The following ME3 variants were observed in gnomAD, a reference collection of about 807,000 sequenced individuals.
ME3 encodes the protein NADP-dependent malic enzyme, mitochondrial.
In ME3, 48 loss-of-function variants were observed where a neutral mutation model predicts 68.9. The observed-to-expected ratio is 0.70, with a 90% CI of 0.55 to 0.89. The LOEUF (loss-of-function observed/expected upper bound fraction) is 0.89. ME3 is among the 40% of genes least tolerant of loss of function. ME3 has a pLI of 0.00. For missense variants in ME3, 675 were observed against 797.4 expected (o/e 0.85, Z 1.85); for synonymous variants, 320 against 318.8 (o/e 1.00, Z -0.04).
At chr11:86,473,889 G>A (rs1373447834) in intron 7 of ME3, among the ~76,000 whole-genome samples, 2 of 152,222 alleles carry the variant, frequency 1.3e-5, no homozygotes, top group Non-Finnish European at 2.9e-5. Flanking sequence ...ACTGTTTGTG[G>A]ACAAGGACTT....
chr11:86,574,996 C>T lies in ME3; in HGVS notation c.184-15173G>A, dbSNP rs1325301313. Among the ~76,000 whole-genome samples, 4 of 118,984 alleles carry T rather than the reference C, an allele frequency of 3.4e-5. 1 individual carries two copies. Among genetic ancestry groups the T allele is most frequent in the Non-Finnish European group, 7.1e-5 (4 of 56,262 alleles). 78.1% of individuals were successfully genotyped at this position (118,984 alleles called of 152,430 possible). Reference sequence around the variant, plus strand: ...TTGCAACCCTGACAGGTTGTCCAGCCTGGGCAGGGGCCAACTTGTTCTCAG... The same window carrying T: ...TTGCAACCCTGACAGGTTGTCCAGCTTGGGCAGGGGCCAACTTGTTCTCAG... On this transcript the variant is annotated intron_variant, in intron 2 of 14. Coordinates refer to ENST00000543262, the Ensembl canonical transcript of ME3.
intron 7 of ME3, 54 bp from the exon 8 acceptor site, chr11:86,465,254 G>T: frequency 7.5e-7 from 1 of 1,339,502 alleles, no homozygotes; most frequent in Non-Finnish European, 1.1e-6. Flanking sequence ...GCAGATCCCT[G>T]ACAGATCCCA....
At chr11:86,556,859 A>G (rs996752904) in intron 3 of ME3, among the ~76,000 whole-genome samples, 157 bp from the exon 4 acceptor site, 1 of 152,210 alleles carries the variant, frequency 6.6e-6, no homozygotes, top group African/African-American at 2.4e-5. Context: ...ACAGCTATGA[A>G]ATGTGAAGAT....
chr11:86,656,134 C>T (rs1470012764), intron 2 of ME3, among the ~76,000 whole-genome samples: 15 of 126,726 alleles, frequency 1.2e-4, no homozygotes, highest in African/African-American at 3.6e-4. Flanking sequence ...AATAGGAACA[C>T]TTTTACACTG....
At chr11:86,471,585 G>A (rs1950787321) in intron 7 of ME3, among the ~76,000 whole-genome samples, 1 of 152,084 alleles carries the variant, frequency 6.6e-6, no homozygotes, top group Admixed American at 6.5e-5. Context: ...TGACATTTCT[G>A]TTTCAATTAA....
At chr11:86,440,307 G>T (rs1948932971), downstream of ME3, among the ~76,000 whole-genome samples, 1 of 152,182 alleles carries the variant, frequency 6.6e-6, no homozygotes, top group Non-Finnish European at 1.5e-5. Flanking sequence ...CCACCCCTAT[G>T]ATATGGGCTC....
Position 86,561,330 on chromosome 11 carries a change from A to G in ME3, c.184-1507T>C, listed in dbSNP as rs143134608. On this transcript the variant is annotated intron_variant, in intron 2 of 14. Coordinates refer to ENST00000543262, the Ensembl canonical transcript of ME3. ...TAAGCCATTTCTCCAAGGATCCCCAATTCCTTTTTCAGAGCATGGTATTAG... is the reference window on the plus strand; with the variant it reads ...TAAGCCATTTCTCCAAGGATCCCCAGTTCCTTTTTCAGAGCATGGTATTAG... 3.0e-3 allele frequency among the ~76,000 whole-genome samples: 463 copies of G among 152,250 alleles called. 1 individual carries two copies. Among genetic ancestry groups the G allele is most frequent in the African/African-American group, 9.9e-3 (411 of 41,568 alleles).
chr11:86,538,227 A>G (rs1461953764), intron 4 of ME3, among the ~76,000 whole-genome samples: 1 of 152,120 alleles, frequency 6.6e-6, no homozygotes, highest in Non-Finnish European at 1.5e-5. Context: ...GGATTGAGGG[A>G]TTTCAATATG....
intron 2 of ME3, among the ~76,000 whole-genome samples, chr11:86,609,764 T>C (rs1309993382): frequency 1.3e-5 from 2 of 152,224 alleles, no homozygotes; most frequent in Admixed American, 1.3e-4. Flanking sequence ...ACTTAAATGT[T>C]CTTCGACATA....
At chr11:86,436,219 G>A (rs752421211), downstream of ME3, 1 of 151,974 alleles carries the variant, frequency 6.6e-6, no homozygotes, top group Non-Finnish European at 1.5e-5. Flanking sequence ...AGCCATTCTG[G>A]TGAGTGTTGT....
At position 86,566,215 on chromosome 11, in the gene ME3, C is replaced by G. The variant is rs992273128; in HGVS notation, c.184-6392G>C. 3.9e-5 allele frequency among the ~76,000 whole-genome samples: 6 copies of G among 152,228 alleles called. 1 individual carries two copies. The highest frequency in any genetic ancestry group is 3.9e-4 in the Admixed American group (6 of 15,284). On this transcript the variant is annotated intron_variant, in intron 2 of 14. Coordinates refer to ENST00000543262, the Ensembl canonical transcript of ME3. ...CTGTGCTGGCCTGCTAATGTAACCC[C>G]TGTTGAATTTAAGGCTGATCATAGC... is the stretch of plus-strand genomic sequence containing the variant.
At chr11:86,557,345 A>G (rs762371013) in intron 3 of ME3, among the ~76,000 whole-genome samples, 2 of 152,182 alleles carry the variant, frequency 1.3e-5, no homozygotes, top group Non-Finnish European at 2.9e-5. Context: ...TAAGAATGCA[A>G]AAACCTCTGT....
intron 2 of ME3, among the ~76,000 whole-genome samples, chr11:86,606,383 T>C (rs1477882775): frequency 1.3e-5 from 2 of 151,524 alleles, no homozygotes; most frequent in African/African-American, 4.9e-5. Flanking sequence ...TAGTCTGTTG[T>C]GGACAGCAGA....
intron 2 of ME3, among the ~76,000 whole-genome samples, chr11:86,609,724 C>T (rs549233872): frequency 6.6e-6 from 1 of 152,206 alleles, no homozygotes; most frequent in Admixed American, 6.5e-5. Context: ...ATATTGATTA[C>T]AAAATTGTAA....
intron 2 of ME3, among the ~76,000 whole-genome samples, chr11:86,569,159 G>A (rs1472180985): frequency 2.0e-5 from 3 of 152,240 alleles, no homozygotes; most frequent in African/African-American, 4.8e-5. Context: ...GAGAGCTCAT[G>A]AGCAGATGCT....
intron 6 of ME3, among the ~76,000 whole-genome samples, 184 bp from the exon 7 acceptor site, chr11:86,487,624 T>C (rs1245409667): frequency 6.6e-6 from 1 of 152,156 alleles, no homozygotes; most frequent in African/African-American, 2.4e-5. Context: ...AAGCCAGTGA[T>C]TGAGGTTGGA....
downstream of ME3, chr11:86,436,286 G>A (rs539689052): frequency 4.0e-5 from 6 of 151,778 alleles, no homozygotes; most frequent in South Asian, 6.2e-4. Context: ...TTTTTCATGT[G>A]CTTGTTAGCC....
intron 7 of ME3, among the ~76,000 whole-genome samples, chr11:86,473,312 A>G (rs1054889131): frequency 6.6e-6 from 1 of 152,176 alleles, no homozygotes; most frequent in Non-Finnish European, 1.5e-5. Context: ...TGTTTAGAGG[A>G]TCACTGGTGA....
At chr11:86,628,534 A>T (rs1943807056) in intron 2 of ME3, among the ~76,000 whole-genome samples, 1 of 152,184 alleles carries the variant, frequency 6.6e-6, no homozygotes, top group African/African-American at 2.4e-5. Flanking sequence ...TATTTTTTTA[A>T]ATTTCTCAAA....
Sources: gnomAD v4.1 joint callset for allele counts (sites outside exome capture counted in the v4.1 genomes callset) on GRCh38, gnomAD v4.1.1 for gene constraint, MANE v1.5 for transcripts, NCBI Gene and HGNC (gene_info 2026-07-23, HGNC 2026-07-21) for gene names.